NELL1: variants seen among roughly 807,000 people sequenced by gnomAD.
The protein encoded by NELL1 is neural EGFL like 1.
A neutral mutation model predicts 107.4 loss-of-function variants in NELL1; 76 were observed. The ratio of observed to expected loss-of-function variants is 0.71; its 90% CI spans 0.59 to 0.86. The LOEUF (loss-of-function observed/expected upper bound fraction) is 0.86. NELL1 is among the 40% of genes least tolerant of loss of function. The probability of loss-of-function intolerance (pLI) is 0.00; values close to 1 mark genes in which losing one functional copy is unlikely to be tolerated. For missense variants in NELL1, 1,024 were observed against 1,005.5 expected, an observed-to-expected ratio of 1.02 and a Z score of -0.25; for synonymous variants, 353 against 341.2, an observed-to-expected ratio of 1.03 and a Z score of -0.38.
intron 5 of NELL1, among the ~76,000 whole-genome samples, chr11:20,916,999 C>T (rs995079387): frequency 1.3e-5 from 2 of 151,904 alleles, no homozygotes; most frequent in African/African-American, 4.8e-5. Flanking sequence ...CCATGCTTGT[C>T]TCAAATTGCC....
intron 4 of NELL1, among the ~76,000 whole-genome samples, chr11:20,876,237 C>T (rs1849302099): frequency 6.6e-6 from 1 of 152,156 alleles, no homozygotes. Flanking sequence ...TGTATTCATC[C>T]CCATAGTCTC....
chr11:20,869,844 C>T (rs1057212691), intron 4 of NELL1, among the ~76,000 whole-genome samples: 7 of 152,126 alleles, frequency 4.6e-5, no homozygotes, highest in Admixed American at 6.5e-5. Flanking sequence ...TGCCTTATAG[C>T]GTATCTTCCT....
chr11:21,497,190 G>A (rs1855003916), intron 15 of NELL1, among the ~76,000 whole-genome samples: 1 of 150,810 alleles, frequency 6.6e-6, no homozygotes. Flanking sequence ...ATAGCATTAG[G>A]AGATATACCT....
At chr11:21,538,522 C>T (rs1312304991) in intron 16 of NELL1, among the ~76,000 whole-genome samples, 1 of 152,044 alleles carries the variant, frequency 6.6e-6, no homozygotes, top group African/African-American at 2.4e-5. Flanking sequence ...CTTTGTCTGT[C>T]TCTCTTTAAC....
At chr11:21,521,955 A>G (rs190590178) in intron 15 of NELL1, among the ~76,000 whole-genome samples, 9 of 152,240 alleles carry the variant, frequency 5.9e-5, no homozygotes, top group African/African-American at 2.2e-4. Flanking sequence ...AGATTGTTTG[A>G]TTAGTTGTTG....
intron 12 of NELL1, among the ~76,000 whole-genome samples, chr11:20,986,687 T>G (rs1313366650): frequency 6.6e-6 from 1 of 152,156 alleles, no homozygotes; most frequent in Non-Finnish European, 1.5e-5. Context: ...GGAACATGCT[T>G]TTAGAATCAC....
rs567210735 is a variant in NELL1 at position 21,453,838 on chromosome 11, G to A, written c.1646-80536G>A. Among the ~76,000 whole-genome samples the A allele has an allele frequency of 4.1e-5, 6 of 144,814 alleles. No individual in the cohort carries two copies. The South Asian group carries it at 1.1e-3, about 26-fold the overall frequency. On this transcript the variant is annotated intron_variant, in intron 15 of 19. Transcript: ENST00000357134. ...TTTTTTTTTTAGATTTTGTGCCAGG[G>A]TTTACAATACACATCTTTAGCTACC...
At chr11:21,476,974 A>G (rs1854352618) in intron 15 of NELL1, among the ~76,000 whole-genome samples, 1 of 152,188 alleles carries the variant, frequency 6.6e-6, no homozygotes, top group Non-Finnish European at 1.5e-5. Flanking sequence ...AAGGCTCCCC[A>G]CCACAGGCTA....
At chr11:20,959,297 A>C (rs1474772877) in intron 11 of NELL1, among the ~76,000 whole-genome samples, 2 of 152,204 alleles carry the variant, frequency 1.3e-5, no homozygotes, top group Non-Finnish European at 2.9e-5. Context: ...TAAAAGTAGA[A>C]TTTGATCCAG....
chr11:21,416,352 A>G lies in NELL1; in HGVS notation c.1645+45404A>G, dbSNP rs1189963500. 2.0e-5 allele frequency among the ~76,000 whole-genome samples: 3 copies of G among 152,116 alleles called. No individual in the cohort carries two copies. The East Asian group carries it at 5.8e-4, about 29-fold the overall frequency. On this transcript the variant is annotated intron_variant, in intron 15 of 19. Coordinates refer to ENST00000357134, the MANE Select transcript of NELL1 (RefSeq NM_006157.5). ...GGGTGAGGCTGCCTCCTTAATAATT[A>G]GTGAGGAGACTGGCTTCATAAATGG...
At chr11:21,281,756 G>T (rs1848999766) in intron 14 of NELL1, among the ~76,000 whole-genome samples, 1 of 152,150 alleles carries the variant, frequency 6.6e-6, no homozygotes, top group Non-Finnish European at 1.5e-5. Context: ...TCTCTGCATG[G>T]TAATCCAGAT....
intron 12 of NELL1, among the ~76,000 whole-genome samples, chr11:21,092,638 T>G (rs1383217106): frequency 6.6e-6 from 1 of 152,214 alleles, no homozygotes; most frequent in African/African-American, 2.4e-5. Context: ...CTGATCAATT[T>G]GCTGTCAAAA....
intron 15 of NELL1, among the ~76,000 whole-genome samples, chr11:21,449,513 G>A (rs969168158): frequency 6.6e-6 from 1 of 151,892 alleles, no homozygotes. Context: ...TTTGTGGCTT[G>A]TCTTTTTATT....
intron 7 of NELL1, among the ~76,000 whole-genome samples, chr11:20,919,579 T>A (rs1219517868): frequency 6.6e-6 from 1 of 152,068 alleles, no homozygotes; most frequent in Non-Finnish European, 1.5e-5. Flanking sequence ...GCAATATGTA[T>A]CACTGTAGAT....
At chr11:21,033,892 C>T (rs1590564453) in intron 12 of NELL1, among the ~76,000 whole-genome samples, 1 of 152,092 alleles carries the variant, frequency 6.6e-6, no homozygotes, top group East Asian at 1.9e-4. Context: ...CACAACCTCG[C>T]CAGCATCTGT....
intron 2 of NELL1, among the ~76,000 whole-genome samples, chr11:20,737,598 T>G (rs539722417): frequency 6.6e-6 from 1 of 152,096 alleles, no homozygotes; most frequent in Non-Finnish European, 1.5e-5. Flanking sequence ...GATTAAGGAA[T>G]ACAGTGCCTG....
Position 21,273,238 on chromosome 11 carries a change from G to A in NELL1, c.1549+43784G>A, listed in dbSNP as rs551295835. On this transcript the variant is annotated intron_variant, in intron 14 of 19. Coordinates refer to ENST00000357134, the MANE Select transcript of NELL1 (RefSeq NM_006157.5). ...CTGATGGAGCTGAAAACCAAGGCAT[G>A]CGAACTACGTGATGAATGCACAAGC... Among the ~76,000 whole-genome samples, 13 of 152,282 alleles carry A rather than the reference G, an allele frequency of 8.5e-5. No homozygotes were observed. The South Asian group carries it at 2.5e-3, about 29-fold the overall frequency.
intron 14 of NELL1, among the ~76,000 whole-genome samples, chr11:21,245,046 C>A (rs568160060): frequency 1.3e-5 from 2 of 152,122 alleles, no homozygotes; most frequent in African/African-American, 4.8e-5. Context: ...TGCTTAAGAT[C>A]CTGCCATGCA....
At chr11:21,287,738 C>T (rs954569880) in intron 14 of NELL1, among the ~76,000 whole-genome samples, 11 of 151,824 alleles carry the variant, frequency 7.2e-5, no homozygotes, top group East Asian at 1.9e-4. Flanking sequence ...ATCTTTTTAC[C>T]CCTCTTCCCA....
Sources: gnomAD v4.1 joint callset for allele counts (sites outside exome capture counted in the v4.1 genomes callset) on GRCh38, gnomAD v4.1.1 for gene constraint, MANE v1.5 for transcripts, NCBI Gene and HGNC (gene_info 2026-07-23, HGNC 2026-07-21) for gene names.